Variants in TFDP1 observed in about 807,000 individuals in gnomAD.
The protein encoded by TFDP1 is transcription factor Dp-1, also known as DRTF1-polypeptide 1.
TFDP1 carries 6 observed loss-of-function variants against 48.0 expected under a neutral mutation model. The observed-to-expected ratio is 0.13, with a 90% CI of 0.07 to 0.25. The LOEUF is 0.25. Ranked by LOEUF, TFDP1 falls within the 10% of genes least tolerant of loss-of-function variation. The probability of loss-of-function intolerance (pLI) is 1.00; values close to 1 mark genes in which losing one functional copy is unlikely to be tolerated. For missense variants in TFDP1, 335 were observed against 543.0 expected (o/e 0.62, Z 3.81); for synonymous variants, 201 against 211.6 (o/e 0.95, Z 0.44).
intron 2 of TFDP1, among the ~76,000 whole-genome samples, chr13:113,606,233 C>T (rs909841541): frequency 1.1e-4 from 16 of 151,826 alleles, no homozygotes; most frequent in Middle Eastern, 3.4e-3. Flanking sequence ...TGGAAGGCCG[C>T]GTGGTGGTGA....
At chr13:113,616,497 C>T (rs1342592380) in intron 3 of TFDP1, among the ~76,000 whole-genome samples, 1 of 152,204 alleles carries the variant, frequency 6.6e-6, no homozygotes, top group Non-Finnish European at 1.5e-5. Context: ...GGCCGGGTCC[C>T]TCGTTTGCTG....
At chr13:113,621,288 T>C (rs558576831) in intron 3 of TFDP1, among the ~76,000 whole-genome samples, 40 of 152,314 alleles carry the variant, frequency 2.6e-4, no homozygotes, top group Non-Finnish European at 5.1e-4. Context: ...CCCGAAAGTC[T>C]GTGTTTTCTT....
intron 3 of TFDP1, among the ~76,000 whole-genome samples, chr13:113,618,952 C>A (rs2048928360): frequency 6.6e-6 from 1 of 152,158 alleles, no homozygotes. Flanking sequence ...TCAGCACATC[C>A]TGGAAAAGTA....
intron 3 of TFDP1, among the ~76,000 whole-genome samples, chr13:113,612,984 C>A (rs1349099013): frequency 1.3e-5 from 2 of 151,194 alleles, no homozygotes; most frequent in African/African-American, 4.9e-5. Context: ...CCTGCCCTCA[C>A]CTGGTGTTGA....
At chr13:113,618,509 A>C (rs2048917474) in intron 3 of TFDP1, among the ~76,000 whole-genome samples, 1 of 152,206 alleles carries the variant, frequency 6.6e-6, no homozygotes, top group Non-Finnish European at 1.5e-5. Context: ...TGACAGAGTG[A>C]GACCCTGTCT....
chr13:113,627,382 G>A lies in TFDP1; in HGVS notation c.186+4096G>A, dbSNP rs2049209189. Among the ~76,000 whole-genome samples the A allele has an allele frequency of 6.6e-6, 1 of 152,158 alleles. No homozygotes were observed. Among genetic ancestry groups the A allele is most frequent in the African/African-American group, 2.4e-5 (1 of 41,452 alleles). ...AGCAGCGGCCTGTGTGAGCCCCTGGGGAGAAGCAGCCCCCCACCCAGGCCT... is the reference window on the plus strand; with the variant it reads ...AGCAGCGGCCTGTGTGAGCCCCTGGAGAGAAGCAGCCCCCCACCCAGGCCT... On this transcript the variant is annotated intron_variant, in intron 4 of 11. Transcript: ENST00000375370. This position sits in a 1 kb window ranked among gnomAD's most constrained non-coding sequence, Gnocchi z 4.1.
chr13:113,637,668 G>A (rs753332333), intron 10 of TFDP1, 150 bp from the exon 11 acceptor site: 413 of 1,544,876 alleles, frequency 2.7e-4, no homozygotes, highest in Non-Finnish European at 3.4e-4. Context: ...GCTCCGTGGC[G>A]CAGTGTGGAA....
intron 2 of TFDP1, among the ~76,000 whole-genome samples, chr13:113,597,315 C>T (rs1006385396): frequency 1.3e-5 from 2 of 152,252 alleles, no homozygotes; most frequent in East Asian, 1.9e-4. Flanking sequence ...ATGGTCTCCA[C>T]CTCCCACAGG....
At chr13:113,634,871 CTGTGTGCGTGTGCA>C (rs1416196292) in intron 8 of TFDP1, among the ~76,000 whole-genome samples, 4 of 146,116 alleles carry the variant, frequency 2.7e-5, no homozygotes, top group Admixed American at 2.0e-4. Flanking sequence ...GTGCGTGTGC[CTGTGTGCGTGTGCA>C]TGTGTGTGCG....
intron 3 of TFDP1, among the ~76,000 whole-genome samples, chr13:113,617,640 CCGCTCACCTGCAG>C (rs2048895354): frequency 6.7e-6 from 1 of 150,310 alleles, no homozygotes; most frequent in Non-Finnish European, 1.5e-5. Context: ...ACCTGCAGAG[CCGCTCACCTGCAG>C]AGCCGCTCAC....
At chr13:113,591,723 A>G (rs1021289435) in intron 2 of TFDP1, among the ~76,000 whole-genome samples, 1 of 152,192 alleles carries the variant, frequency 6.6e-6, no homozygotes, top group Non-Finnish European at 1.5e-5. Context: ...AAGAGACTAG[A>G]TTTGTCAAGT....
intron 4 of TFDP1, among the ~76,000 whole-genome samples, chr13:113,626,405 A>G (rs955442841): frequency 6.6e-6 from 1 of 152,198 alleles, no homozygotes; most frequent in African/African-American, 2.4e-5. Flanking sequence ...TCTTTAACAG[A>G]TGTTAGGATA....
intron 2 of TFDP1, 116 bp downstream of exon 2, chr13:113,585,965 G>T (rs2047993189): frequency 2.5e-6 from 3 of 1,224,300 alleles, no homozygotes; most frequent in Non-Finnish European, 3.5e-6. Context: ...TTTATTTTCA[G>T]ACTTTTAAAG....
At chr13:113,586,998 T>G (rs2048022010) in intron 2 of TFDP1, among the ~76,000 whole-genome samples, 2 of 152,350 alleles carry the variant, frequency 1.3e-5, no homozygotes, top group South Asian at 4.1e-4. Context: ...TCATTACATC[T>G]CCTCATGGTG....
intron 3 of TFDP1, among the ~76,000 whole-genome samples, chr13:113,617,448 C>T (rs1044924666): frequency 6.6e-6 from 1 of 152,118 alleles, no homozygotes; most frequent in African/African-American, 2.4e-5. Flanking sequence ...ACCTGCAGAG[C>T]CGCTCACCTG....
chr13:113,636,507 C>T (rs1415922725), intron 9 of TFDP1, 27 bp from the exon 10 acceptor site: 1 of 1,610,418 alleles, frequency 6.2e-7, no homozygotes, highest in Non-Finnish European at 8.5e-7. Flanking sequence ...GAGACCCTGT[C>T]TTTCTGACTG....
At chr13:113,639,539 T>C (rs180905620) in intron 11 of TFDP1, among the ~76,000 whole-genome samples, 1 of 152,376 alleles carries the variant, frequency 6.6e-6, no homozygotes, top group East Asian at 1.9e-4. Context: ...CACATTTTTA[T>C]TGTAGTGTTA....
intron 2 of TFDP1, chr13:113,586,140 T>C (rs1030586706): frequency 1.3e-5 from 4 of 310,916 alleles, no homozygotes; most frequent in Non-Finnish European, 2.3e-5. Flanking sequence ...TTGATAATTT[T>C]AAATAAACGC....
chr13:113,602,168 A>G (rs1324911181), intron 2 of TFDP1, among the ~76,000 whole-genome samples: 302 of 80,098 alleles, frequency 3.8e-3, no homozygotes, highest in Middle Eastern at 0.022. Flanking sequence ...GGAGTTACCC[A>G]CAGGAGTCGA....
Sources: allele counts gnomAD v4.1 joint callset (sites outside exome capture counted in the v4.1 genomes callset), GRCh38; gene constraint gnomAD v4.1.1; non-coding constraint Gnocchi (gnomAD v3.1); transcripts MANE v1.5; gene names NCBI Gene and HGNC (gene_info 2026-07-23, HGNC 2026-07-21).